Variants in RBM17 observed in about 807,000 individuals in gnomAD.
RBM17 encodes RNA binding motif protein 17.
RBM17 carries 7 observed loss-of-function variants against 53.2 expected under a neutral mutation model. That is an observed-to-expected ratio of 0.13 (90% CI 0.07 to 0.25). The LOEUF is 0.25. RBM17 is among the 10% of genes least tolerant of loss of function. The probability of loss-of-function intolerance (pLI) is 1.00; values close to 1 mark genes in which losing one functional copy is unlikely to be tolerated. For synonymous variants in RBM17, 167 were observed against 178.1 expected, an observed-to-expected ratio of 0.94 and a Z score of 0.50; for missense variants, 257 against 496.7, an observed-to-expected ratio of 0.52 and a Z score of 4.59.
Position 6,112,176 on chromosome 10 carries a change from A to T in RBM17, c.705-34A>T. 1 of 1,601,482 alleles carries T rather than the reference A, an allele frequency of 6.2e-7. No homozygotes were observed. The highest frequency in any genetic ancestry group is 8.5e-7 in the Non-Finnish European group (1 of 1,177,152). Reference sequence around the variant, plus strand: ...AACCTATCTCCAGTTGACGATGTCAAGGCTAAGAGTCCTTTCCCTTCTTCT... The same window carrying T: ...AACCTATCTCCAGTTGACGATGTCATGGCTAAGAGTCCTTTCCCTTCTTCT... On this transcript the variant is annotated intron_variant, in intron 7 of 11. Transcript: ENST00000379888. The surrounding 1 kb of genome is among the most constrained non-coding windows in gnomAD (Gnocchi z 4.4).
At chr10:6,110,605 G>A (rs987554006) in intron 7 of RBM17, among the ~76,000 whole-genome samples, 4 of 152,344 alleles carry the variant, frequency 2.6e-5, no homozygotes, top group Non-Finnish European at 5.9e-5. Context: ...CTGTAAGGCT[G>A]ACGCTCAGGT....
rs1840912589 is a variant in RBM17, at chr10:6,116,129, A to G, written c.*573A>G. 6.6e-6 allele frequency: 1 copy of G among 152,448 alleles called. No individual in the cohort carries two copies. The highest frequency in any genetic ancestry group is 6.5e-5 in the Admixed American group (1 of 15,286). The allele number at this position is 152,448 out of a possible 1,614,324, so 9.4% of individuals were successfully genotyped here. On this transcript the variant is annotated 3_prime_UTR_variant, in exon 12 of 12. Transcript: ENST00000379888. ...AAGATTGAAGAATTGTGAACATACC[A>G]TGGCCTATTGGATGAATCATTTGCC... is the stretch of plus-strand genomic sequence containing the variant.
rs1588352420 is a variant in RBM17, at chr10:6,112,894, T to G, written c.856+533T>G. ...GTTGGTGTTTTATTTTCATTTAATT[T>G]TTACAGTCTGTTCTGTGTTGAGGGA... is the stretch of plus-strand genomic sequence containing the variant. On this transcript the variant is annotated intron_variant, in intron 8 of 11. Transcript: ENST00000379888. This position sits in a 1 kb window ranked among gnomAD's most constrained non-coding sequence, Gnocchi z 4.4. 1 of 174,938 alleles carries G rather than the reference T, an allele frequency of 5.7e-6. No homozygotes were observed. Among genetic ancestry groups the G allele is most frequent in the East Asian group, 1.5e-4 (1 of 6,834 alleles). 10.8% of individuals were successfully genotyped at this position (174,938 alleles called of 1,614,324 possible). A position where few individuals can be genotyped will look rare whatever the true frequency, so the allele number is the denominator to read the frequency against.
In RBM17 at chr10:6,097,032, C is replaced by A. The variant is rs752131353; in HGVS notation, c.-18-16C>A. On this transcript the variant is annotated splice_polypyrimidine_tract_variant and intron_variant, in intron 1 of 11. Transcript: ENST00000379888. ...GAATTGTGCATTCTTTAATCCCCACCCCTTTTGCCTTTCAGCATTAAACTG... is the reference window on the plus strand; with the variant it reads ...GAATTGTGCATTCTTTAATCCCCACACCTTTTGCCTTTCAGCATTAAACTG... 4 of 1,603,816 alleles carry A rather than the reference C, an allele frequency of 2.5e-6. No homozygotes were observed. The Admixed American group carries it at 5.2e-5, about 21-fold the overall frequency.
Position 6,112,465 on chromosome 10 carries a change from C to A in RBM17, c.856+104C>A. 1 of 1,391,714 alleles carries A rather than the reference C, an allele frequency of 7.2e-7. No individual in the cohort carries two copies. Among genetic ancestry groups the A allele is most frequent in the Non-Finnish European group, 1.0e-6 (1 of 997,238 alleles). The allele number at this position is 1,391,714 out of a possible 1,614,324, so 86.2% of individuals were successfully genotyped here. A position where few individuals can be genotyped will look rare whatever the true frequency, so the allele number is the denominator to read the frequency against. On this transcript the variant is annotated intron_variant, in intron 8 of 11. Transcript: ENST00000379888. This position sits in a 1 kb window ranked among gnomAD's most constrained non-coding sequence, Gnocchi z 4.4. ...ATGTGTCAGCAGGGGGACAATGAGG[C>A]GTGTGGCCAGAGGGAGAGGGCTGGC...
In RBM17 at chr10:6,106,177, A is replaced by G. The variant is rs1264869388; in HGVS notation, c.444A>G (p.Ala148=). Residue 148 remains alanine (A), a synonymous_variant, in exon 5 of 12, where the codon GCA becomes GCG. Transcript: ENST00000379888. ...ACAGACATGAAGCAAGTGGGTTTGC[A>G]AGGAGACCAGATCCAGATTCTGATG... ...RKDRHEASGF[A]RRPDPDSDED... 2 of 1,613,852 alleles carry G rather than the reference A, an allele frequency of 1.2e-6. No homozygotes were observed. The highest frequency in any genetic ancestry group is 1.7e-6 in the Non-Finnish European group (2 of 1,179,778).
rs974709854 is a variant in RBM17 at position 6,117,276 on chromosome 10, CTG to C, written c.*1724_*1725del. ...CCCCAGTCTTTTATTTTTAAAATAA[CTG>C]TGTTAATCAGTTAGTGCTTTATTTA... On this transcript the variant is annotated 3_prime_UTR_variant, in exon 12 of 12. Transcript: ENST00000379888. The C allele has an allele frequency of 1.3e-5, 2 of 152,138 alleles. No homozygotes were observed. Among genetic ancestry groups the C allele is most frequent in the African/African-American group, 2.4e-5 (1 of 41,404 alleles). 9.4% of individuals were successfully genotyped at this position (152,138 alleles called of 1,614,324 possible). A position where few individuals can be genotyped will look rare whatever the true frequency, so the allele number is the denominator to read the frequency against.
intron 1 of RBM17, among the ~76,000 whole-genome samples, chr10:6,095,490 A>T (rs1322517088): frequency 6.6e-6 from 1 of 152,154 alleles, no homozygotes; most frequent in Non-Finnish European, 1.5e-5. Flanking sequence ...CTGGGATTAC[A>T]GGCGTGAGCC....
intron 5 of RBM17, chr10:6,106,517 C>T (rs1351439706): frequency 2.0e-5 from 6 of 299,768 alleles, no homozygotes; most frequent in African/African-American, 8.6e-5. Context: ...TTACCTGCAG[C>T]ACAGTCCAGT....
chr10:6,099,915 C>T (rs41295139), intron 2 of RBM17, among the ~76,000 whole-genome samples: 2,574 of 151,988 alleles, frequency 0.017, 55 homozygotes, highest in South Asian at 0.067. Flanking sequence ...AATATTAGCC[C>T]GGTGTGGTGG....
At chr10:6,115,190 CAATGCAATCTCA>C in intron 10 of RBM17, 37 bp from the exon 11 acceptor site, 1 of 1,422,624 alleles carries the variant, frequency 7.0e-7, no homozygotes, top group Non-Finnish European at 9.8e-7. Flanking sequence ...AAAACTCATT[CAATGCAATCTCA>C]AATGCCTTTA....
intron 1 of RBM17, among the ~76,000 whole-genome samples, chr10:6,093,816 A>G (rs1439933567): frequency 1.3e-5 from 2 of 152,208 alleles, no homozygotes; most frequent in African/African-American, 4.8e-5. Context: ...GATGCGACCC[A>G]TGTCTAAACA....
chr10:6,113,762 A>G lies in RBM17; in HGVS notation c.930+181A>G, dbSNP rs899326832. 8.3e-6 allele frequency: 5 copies of G among 601,878 alleles called. No homozygotes were observed. In the Admixed American group the frequency reaches 1.5e-4, roughly 18 times the overall value. 37.3% of individuals were successfully genotyped at this position (601,878 alleles called of 1,614,324 possible). ...TAATGTGTAAGTCTCTTTGCTAAGTACAGTGTTTAAGACTGCAGTGAGTAA... is the reference window on the plus strand; with the variant it reads ...TAATGTGTAAGTCTCTTTGCTAAGTGCAGTGTTTAAGACTGCAGTGAGTAA... On this transcript the variant is annotated intron_variant, in intron 9 of 11. Transcript: ENST00000379888.
intron 5 of RBM17, among the ~76,000 whole-genome samples, chr10:6,107,473 C>T (rs1314563355): frequency 2.0e-4 from 16 of 79,144 alleles, no homozygotes; most frequent in African/African-American, 9.0e-5. Context: ...CCACTGCACC[C>T]GGCCTCTTTT....
intron 1 of RBM17, among the ~76,000 whole-genome samples, chr10:6,091,207 C>T (rs919075778): frequency 6.6e-6 from 1 of 151,908 alleles, no homozygotes; most frequent in Middle Eastern, 3.4e-3. Flanking sequence ...TACAGGCGCT[C>T]GCAACCATGC....
In RBM17 at chr10:6,112,282, G is replaced by A; in HGVS notation, c.777G>A (p.Gln259=). Residue 259 remains glutamine, a synonymous_variant, in exon 8 of 12, where the codon CAG becomes CAA. Coordinates refer to ENST00000379888, the MANE Select transcript of RBM17 (RefSeq NM_032905.5). This position sits in a 1 kb window ranked among gnomAD's most constrained non-coding sequence, Gnocchi z 4.4. ...GCCAGGGTCTGGGGAAGCATGAGCA[G>A]GGCCTGAGCACTGCCTTGTCAGTGG... The part of the protein sequence containing the change: ...REGQGLGKHE[Q]GLSTALSVEK... 5 of 1,613,998 alleles carry A rather than the reference G, an allele frequency of 3.1e-6. No homozygotes were observed. The highest frequency in any genetic ancestry group is 3.4e-6 in the Non-Finnish European group (4 of 1,180,034).
At chr10:6,104,633 A>G (rs745965888) in intron 3 of RBM17, among the ~76,000 whole-genome samples, 8 of 152,176 alleles carry the variant, frequency 5.3e-5, no homozygotes, top group Non-Finnish European at 1.0e-4. Context: ...TTTTGACTCA[A>G]AGTACTAGTA....
At chr10:6,094,719 C>G (rs1840546878) in intron 1 of RBM17, among the ~76,000 whole-genome samples, 1 of 152,152 alleles carries the variant, frequency 6.6e-6, no homozygotes, top group Admixed American at 6.5e-5. Context: ...GGGTATGTAT[C>G]TAGATGTGAA....
intron 1 of RBM17, among the ~76,000 whole-genome samples, chr10:6,093,560 AT>A (rs1489607895): frequency 6.6e-6 from 1 of 152,210 alleles, no homozygotes; most frequent in African/African-American, 2.4e-5. Context: ...TGCTTGCTAT[AT>A]GACAGAAATT....
Sources: allele counts gnomAD v4.1 joint callset (sites outside exome capture counted in the v4.1 genomes callset), GRCh38; gene constraint gnomAD v4.1.1; non-coding constraint Gnocchi (gnomAD v3.1); transcripts MANE v1.5; gene names NCBI Gene and HGNC (gene_info 2026-07-23, HGNC 2026-07-21).